Variants in ANKIB1 observed in about 807,000 individuals in gnomAD.
ANKIB1 encodes the protein ankyrin repeat and IBR domain-containing protein 1.
A neutral mutation model predicts 122.1 loss-of-function variants in ANKIB1; 43 were observed. The ratio of observed to expected loss-of-function variants is 0.35; its 90% CI spans 0.28 to 0.45. ANKIB1 has a LOEUF of 0.45. Among genes scored for constraint, ANKIB1 ranks in the 20% least tolerant of loss-of-function variants. The pLI is 1.00. For missense variants in ANKIB1, 992 were observed against 1,329.5 expected (o/e 0.75, Z 3.95); for synonymous variants, 390 against 442.0 (o/e 0.88, Z 1.48).
intron 1 of ANKIB1, among the ~76,000 whole-genome samples, chr7:92,257,646 G>A (rs1801475320): frequency 6.6e-6 from 1 of 152,156 alleles, no homozygotes; most frequent in African/African-American, 2.4e-5. Context: ...TAGAAAATAA[G>A]CTGAGCATGG....
Position 92,397,850 on chromosome 7 carries a change from C to T in ANKIB1, c.2523C>T (p.Asp841=). 1 of 1,607,990 alleles carries T rather than the reference C, an allele frequency of 6.2e-7. No homozygotes were observed. Among genetic ancestry groups the T allele is most frequent in the South Asian group, 1.1e-5 (1 of 90,248 alleles). The change falls in exon 19 of 20, where the codon GAC becomes GAT. Residue 841 remains aspartate, a synonymous_variant. Coordinates refer to ENST00000265742, the MANE Select transcript of ANKIB1 (RefSeq NM_019004.2). Reference sequence around the variant, plus strand: ...CTGCCAGTCGCTCTGAAAACCAGGACTCTCTTCAGGTAGCCTTTCTGAACA... The same window carrying T: ...CTGCCAGTCGCTCTGAAAACCAGGATTCTCTTCAGGTAGCCTTTCTGAACA... ...YTPASRSENQ[D]SLQALSSLDE... is the part of the protein sequence containing the mutation.
At chr7:92,309,248 C>T (rs1249366142) in intron 3 of ANKIB1, among the ~76,000 whole-genome samples, 3 of 152,090 alleles carry the variant, frequency 2.0e-5, no homozygotes, top group African/African-American at 4.8e-5. Flanking sequence ...GCAATACTTT[C>T]TTGTTTGTTT....
intron 4 of ANKIB1, among the ~76,000 whole-genome samples, chr7:92,320,294 C>A (rs1244949508): frequency 6.6e-6 from 1 of 152,170 alleles, no homozygotes; most frequent in Non-Finnish European, 1.5e-5. Flanking sequence ...ACTCTTTAGC[C>A]CACTGCAGTA....
In ANKIB1 at chr7:92,294,857, C is replaced by T; in HGVS notation, c.-90-32C>T. The T allele has an allele frequency of 4.4e-6, 3 of 676,424 alleles. No homozygotes were observed. The South Asian group carries it at 9.9e-5, about 22-fold the overall frequency. 41.9% of individuals were successfully genotyped at this position (676,424 alleles called of 1,614,324 possible). ...TGTTTCTTTTGTGATTATTGTTTTA[C>T]AATCTAATTTGAATAACTTTTCCTT... On this transcript the variant is annotated intron_variant, in intron 1 of 19. Transcript: ENST00000265742.
chr7:92,261,304 G>T (rs1475530730), intron 1 of ANKIB1, among the ~76,000 whole-genome samples: 1 of 147,332 alleles, frequency 6.8e-6, no homozygotes, highest in African/African-American at 2.5e-5. Context: ...AGCCGAGATC[G>T]CGCCACTGCA....
intron 10 of ANKIB1, among the ~76,000 whole-genome samples, chr7:92,363,644 A>G (rs760198091): frequency 2.6e-5 from 4 of 152,240 alleles, no homozygotes; most frequent in Non-Finnish European, 5.9e-5. Context: ...GGAGTTTAGC[A>G]TCTCTGCCTC....
intron 1 of ANKIB1, among the ~76,000 whole-genome samples, chr7:92,256,027 A>G (rs1209784058): frequency 6.6e-6 from 1 of 152,258 alleles, no homozygotes; most frequent in Non-Finnish European, 1.5e-5. Context: ...TGAGTGTAGT[A>G]TCAAGTTATG....
intron 3 of ANKIB1, among the ~76,000 whole-genome samples, chr7:92,312,350 T>G (rs1802708413): frequency 6.6e-6 from 1 of 152,212 alleles, no homozygotes; most frequent in Admixed American, 6.5e-5. Flanking sequence ...AAACATTTGT[T>G]AAGGACAGAC....
intron 19 of ANKIB1, among the ~76,000 whole-genome samples, 173 bp from the exon 20 acceptor site, chr7:92,398,039 T>C (rs1804937957): frequency 6.6e-6 from 1 of 152,190 alleles, no homozygotes; most frequent in Non-Finnish European, 1.5e-5. Context: ...GTATGTTTTT[T>C]TTTTCCTTTA....
At chr7:92,285,697 T>C (rs952718984) in intron 1 of ANKIB1, among the ~76,000 whole-genome samples, 13 of 152,228 alleles carry the variant, frequency 8.5e-5, no homozygotes, top group African/African-American at 3.1e-4. Flanking sequence ...CTGAATTACA[T>C]TGGCCAAGTT....
chr7:92,342,065 C>A (rs1224946429), intron 5 of ANKIB1, among the ~76,000 whole-genome samples: 1 of 150,838 alleles, frequency 6.6e-6, no homozygotes, highest in Non-Finnish European at 1.5e-5. Context: ...AAAAAAAAAA[C>A]CTCGTGTAGA....
intron 7 of ANKIB1, among the ~76,000 whole-genome samples, chr7:92,350,017 AAAG>A (rs1338961793): frequency 2.0e-5 from 3 of 151,662 alleles, no homozygotes; most frequent in Non-Finnish European, 4.4e-5. Context: ...AAAAAAAAAA[AAAG>A]AAAGAAAAGG....
At chr7:92,343,918 A>G (rs1489933301) in intron 6 of ANKIB1, among the ~76,000 whole-genome samples, 2 of 152,196 alleles carry the variant, frequency 1.3e-5, no homozygotes, top group Non-Finnish European at 2.9e-5. Flanking sequence ...TTTAACTGGC[A>G]TATCATTGGT....
intron 11 of ANKIB1, among the ~76,000 whole-genome samples, chr7:92,385,872 A>G (rs1483952363): frequency 6.6e-6 from 1 of 152,190 alleles, no homozygotes; most frequent in Non-Finnish European, 1.5e-5. Flanking sequence ...CTAGAACTTA[A>G]TGTATAATAA....
chr7:92,357,457 G>A (rs1365419105), intron 9 of ANKIB1, among the ~76,000 whole-genome samples: 6 of 152,020 alleles, frequency 3.9e-5, no homozygotes, highest in East Asian at 3.9e-4. Flanking sequence ...AATTTAGGCC[G>A]GGCTCACTGG....
At chr7:92,332,883 A>G (rs1803199590) in intron 5 of ANKIB1, among the ~76,000 whole-genome samples, 4 of 152,130 alleles carry the variant, frequency 2.6e-5, no homozygotes, top group South Asian at 4.1e-4. Flanking sequence ...CTTCCAGTCT[A>G]TCTCAAAGCT....
intron 7 of ANKIB1, among the ~76,000 whole-genome samples, chr7:92,350,466 A>C (rs1277329525): frequency 6.6e-6 from 1 of 152,214 alleles, no homozygotes; most frequent in Admixed American, 6.5e-5. Flanking sequence ...ATATATTGAT[A>C]TATAAAATGA....
intron 11 of ANKIB1, among the ~76,000 whole-genome samples, chr7:92,378,504 A>G (rs1010872964): frequency 5.3e-5 from 8 of 151,940 alleles, no homozygotes; most frequent in African/African-American, 1.7e-4. Context: ...AAAATCAACA[A>G]TCATTCTTTA....
chr7:92,291,969 G>T (rs1243378578), intron 1 of ANKIB1, among the ~76,000 whole-genome samples: 1 of 152,114 alleles, frequency 6.6e-6, no homozygotes, highest in African/African-American at 2.4e-5. Flanking sequence ...TTCCTGTAAA[G>T]AATTAGAAGC....
Sources: gnomAD v4.1 joint callset for allele counts (sites outside exome capture counted in the v4.1 genomes callset) on GRCh38, gnomAD v4.1.1 for gene constraint, MANE v1.5 for transcripts, NCBI Gene and HGNC (gene_info 2026-07-23, HGNC 2026-07-21) for gene names.